The following FRMD4A variants were observed in gnomAD, a reference collection of about 807,000 sequenced individuals.
FRMD4A encodes the protein FERM domain-containing protein 4A.
In FRMD4A, 29 loss-of-function variants were observed where a neutral mutation model predicts 129.1. That is an observed-to-expected ratio of 0.22 (90% CI 0.17 to 0.31). The LOEUF (loss-of-function observed/expected upper bound fraction) is 0.31, where lower values mean the gene tolerates loss of function less well. Ranked by LOEUF, FRMD4A falls within the 10% of genes least tolerant of loss-of-function variation. FRMD4A has a pLI of 1.00. For synonymous variants in FRMD4A, 634 were observed against 571.6 expected, an observed-to-expected ratio of 1.11 and a Z score of -1.56; for missense variants, 1,272 against 1,375.8, an observed-to-expected ratio of 0.92 and a Z score of 1.19.
rs559063124 is a variant in FRMD4A at position 13,800,957 on chromosome 10, T to A, written c.207-4369A>T. Among the ~76,000 whole-genome samples the A allele has an allele frequency of 4.6e-5, 7 of 152,302 alleles. 2 individuals carry two copies. The highest frequency in any genetic ancestry group is 1.9e-4 in the East Asian group (1 of 5,178). On this transcript the variant is annotated intron_variant, in intron 4 of 24. Coordinates refer to ENST00000357447, the MANE Select transcript of FRMD4A (RefSeq NM_018027.5). ...CAATTAAATAGACTAGAAAGGAAAG[T>A]AAGAAAATGGGCCAGGTACAGTGGC...
intron 2 of FRMD4A, among the ~76,000 whole-genome samples, chr10:14,252,586 C>G (rs1418994652): frequency 6.6e-6 from 1 of 152,228 alleles, no homozygotes; most frequent in Admixed American, 6.5e-5. Context: ...GGAGTACACT[C>G]TGGAAATGAT....
chr10:13,795,681 A>G (rs2093100967), intron 5 of FRMD4A, among the ~76,000 whole-genome samples: 1 of 152,184 alleles, frequency 6.6e-6, no homozygotes, highest in Non-Finnish European at 1.5e-5. Context: ...ATTGTGTTGC[A>G]ATCAAGGTTC....
intron 2 of FRMD4A, among the ~76,000 whole-genome samples, chr10:13,993,840 G>GTT (rs59181140): frequency 1.3e-4 from 19 of 149,372 alleles, no homozygotes; most frequent in Admixed American, 4.7e-4. Context: ...GTCAGAATAG[G>GTT]TTTTTTTTTT....
At chr10:14,304,069 C>T (rs1264088316) in intron 2 of FRMD4A, among the ~76,000 whole-genome samples, 2 of 152,172 alleles carry the variant, frequency 1.3e-5, no homozygotes. Context: ...TGCCTTTTGG[C>T]CACTATGAAT....
At chr10:14,242,926 T>C (rs1470042878) in intron 2 of FRMD4A, among the ~76,000 whole-genome samples, 1 of 152,180 alleles carries the variant, frequency 6.6e-6, no homozygotes, top group Non-Finnish European at 1.5e-5. Context: ...CCAACAGATA[T>C]TTTGAGACAC....
chr10:13,905,221 A>G (rs2094869563), intron 2 of FRMD4A, among the ~76,000 whole-genome samples: 1 of 152,244 alleles, frequency 6.6e-6, no homozygotes, highest in Admixed American at 6.5e-5. Flanking sequence ...GAGGGGGCCT[A>G]ATAAAAGCTC....
At chr10:13,791,148 CTGG>C (rs2092991514) in intron 5 of FRMD4A, among the ~76,000 whole-genome samples, 1 of 152,152 alleles carries the variant, frequency 6.6e-6, no homozygotes, top group Admixed American at 6.6e-5. Context: ...TAGGAGCTCC[CTGG>C]TGCTGGCTTT....
chr10:14,166,439 A>AT (rs1841180862), intron 2 of FRMD4A, among the ~76,000 whole-genome samples: 1 of 152,124 alleles, frequency 6.6e-6, no homozygotes, highest in African/African-American at 2.4e-5. Context: ...TAAAGTCACC[A>AT]TTTTTTTCCT....
At chr10:14,029,546 T>C (rs543867960) in intron 2 of FRMD4A, among the ~76,000 whole-genome samples, 207 of 152,286 alleles carry the variant, frequency 1.4e-3, no homozygotes, top group African/African-American at 4.9e-3. Flanking sequence ...CCTTGAACCA[T>C]TTTCCTGTCT....
chr10:14,034,714 G>C (rs1041758859), intron 2 of FRMD4A, among the ~76,000 whole-genome samples: 2 of 152,194 alleles, frequency 1.3e-5, no homozygotes, highest in Non-Finnish European at 2.9e-5. Flanking sequence ...AGCTCAAAGA[G>C]AGACGGATGT....
chr10:13,881,663 A>G (rs1313697393), intron 2 of FRMD4A, among the ~76,000 whole-genome samples: 2 of 151,924 alleles, frequency 1.3e-5, no homozygotes, highest in Non-Finnish European at 2.9e-5. Context: ...GCCAAATGCC[A>G]GGGATAACGC....
chr10:13,799,858 T>TA (rs2093213817), intron 4 of FRMD4A, among the ~76,000 whole-genome samples: 1 of 152,158 alleles, frequency 6.6e-6, no homozygotes, highest in Admixed American at 6.6e-5. Flanking sequence ...GCATTTGGCA[T>TA]AATCTTGTAC....
chr10:13,735,914 G>C (rs138248983), intron 12 of FRMD4A, among the ~76,000 whole-genome samples: 196 of 152,232 alleles, frequency 1.3e-3, no homozygotes, highest in Non-Finnish European at 2.0e-3. Flanking sequence ...AGCACTTTGG[G>C]AGGCTGAGGA....
chr10:14,313,501 C>T (rs1846629827), intron 2 of FRMD4A, among the ~76,000 whole-genome samples: 1 of 152,128 alleles, frequency 6.6e-6, no homozygotes. Context: ...GTCATATTGC[C>T]TCTTTGTGTA....
rs182226648 is a variant in FRMD4A at position 14,051,324 on chromosome 10, G to A, written c.46-192412C>T. On this transcript the variant is annotated intron_variant, in intron 2 of 24. Transcript: ENST00000357447. Reference sequence around the variant, plus strand: ...GCTCAGCCACAGGAATATTCCAACCGTATCTCTAATGTTCATCCTGGGGTT... The same window carrying A: ...GCTCAGCCACAGGAATATTCCAACCATATCTCTAATGTTCATCCTGGGGTT... 6.6e-5 allele frequency among the ~76,000 whole-genome samples: 10 copies of A among 152,220 alleles called. 1 individual carries two copies. The highest frequency in any genetic ancestry group is 3.9e-4 in the Admixed American group (6 of 15,296).
At chr10:13,740,128 A>C in intron 11 of FRMD4A, 66 bp downstream of exon 11, 2 of 894,456 alleles carry the variant, frequency 2.2e-6, no homozygotes, top group East Asian at 4.8e-5. Context: ...GAAAACATAT[A>C]ACGAGATGTT....
At chr10:14,042,128 A>G (rs1833801582) in intron 2 of FRMD4A, among the ~76,000 whole-genome samples, 1 of 152,256 alleles carries the variant, frequency 6.6e-6, no homozygotes, top group Non-Finnish European at 1.5e-5. Context: ...AATGTCTGCT[A>G]GCCGTAATAA....
intron 6 of FRMD4A, among the ~76,000 whole-genome samples, chr10:13,767,505 C>G (rs898303471): frequency 6.6e-5 from 10 of 152,220 alleles, no homozygotes; most frequent in Non-Finnish European, 1.5e-4. Flanking sequence ...TCCCAAAGTG[C>G]TGGGATTACA....
chr10:13,759,985 G>GTATT (rs762097442), intron 8 of FRMD4A, among the ~76,000 whole-genome samples: 2 of 151,946 alleles, frequency 1.3e-5, no homozygotes, highest in Non-Finnish European at 2.9e-5. Context: ...GCTTGTTTAT[G>GTATT]TATTACCCAT....
Sources: allele counts gnomAD v4.1 joint callset (sites outside exome capture counted in the v4.1 genomes callset), GRCh38; gene constraint gnomAD v4.1.1; transcripts MANE v1.5; gene names NCBI Gene and HGNC (gene_info 2026-07-23, HGNC 2026-07-21).